Variants in THRB observed in about 807,000 individuals in gnomAD.
THRB encodes thyroid hormone receptor beta, also known as nuclear receptor subfamily 1 group A member 2.
A neutral mutation model predicts 47.8 loss-of-function variants in THRB; 12 were observed. The ratio of observed to expected loss-of-function variants is 0.25; its 90% CI spans 0.16 to 0.41. THRB has a LOEUF of 0.41. Ranked by LOEUF, THRB falls within the 10% of genes least tolerant of loss-of-function variation. The pLI is 1.00. For missense variants in THRB, 348 were observed against 589.2 expected, an observed-to-expected ratio of 0.59 and a Z score of 4.24; for synonymous variants, 218 against 212.2, an observed-to-expected ratio of 1.03 and a Z score of -0.24.
chr3:24,200,730 T>A (rs1441908134), intron 4 of THRB, among the ~76,000 whole-genome samples: 1 of 152,146 alleles, frequency 6.6e-6, no homozygotes, highest in Non-Finnish European at 1.5e-5. Context: ...GGAAGAGACA[T>A]TTCAATCTGG....
rs138976654 is a variant in THRB at position 24,444,219 on chromosome 3, T to C, written c.-261+50433A>G. Among the ~76,000 whole-genome samples, 11 of 151,820 alleles carry C rather than the reference T, an allele frequency of 7.2e-5. No individual in the cohort carries two copies. The East Asian group carries it at 2.1e-3, about 29-fold the overall frequency. ...TAGGACATAATCAACAAAGAAGAGATACATTATTTGGAAAGATGATAGAAT... is the reference window on the plus strand; with the variant it reads ...TAGGACATAATCAACAAAGAAGAGACACATTATTTGGAAAGATGATAGAAT... On this transcript the variant is annotated intron_variant, in intron 1 of 10. Coordinates refer to ENST00000646209, the MANE Select transcript of THRB (RefSeq NM_001354712.2).
chr3:24,197,427 T>G (rs929823489), intron 4 of THRB, among the ~76,000 whole-genome samples: 1 of 152,350 alleles, frequency 6.6e-6, no homozygotes, highest in Admixed American at 6.5e-5. Flanking sequence ...TCTTTGAATC[T>G]CTCTCCTGAA....
At chr3:24,405,444 C>T (rs1417112209) in intron 1 of THRB, among the ~76,000 whole-genome samples, 4 of 151,924 alleles carry the variant, frequency 2.6e-5, no homozygotes, top group African/African-American at 9.7e-5. Context: ...ACTATTTGCC[C>T]TTTACAGAAA....
rs575036452 is a variant in THRB, at chr3:24,314,102, C to T, written c.-188-16731G>A. ...CTGAGATAGGCGTTTTATACACCTG[C>T]TGTCATTTAACTAGCCCAATCACCT... On this transcript the variant is annotated intron_variant, in intron 2 of 10. Transcript: ENST00000646209. 2.6e-5 allele frequency among the ~76,000 whole-genome samples: 4 copies of T among 152,312 alleles called. No individual in the cohort carries two copies. The South Asian group carries it at 8.3e-4, about 32-fold the overall frequency.
intron 4 of THRB, among the ~76,000 whole-genome samples, chr3:24,197,884 T>C (rs9862234): frequency 0.03 from 4,584 of 152,300 alleles, 210 homozygotes; most frequent in African/African-American, 0.1. Flanking sequence ...TTCTTCCTTG[T>C]CCTCAGGCTG....
chr3:24,261,497 C>CAAAA (rs35109952), intron 3 of THRB, among the ~76,000 whole-genome samples: 19 of 88,248 alleles, frequency 2.2e-4, no homozygotes, highest in Non-Finnish European at 2.6e-4. Flanking sequence ...GATTCTGTCT[C>CAAAA]AAAAAAAAAA....
intron 1 of THRB, among the ~76,000 whole-genome samples, chr3:24,443,177 T>C (rs1560198931): frequency 6.6e-6 from 1 of 152,134 alleles, no homozygotes; most frequent in African/African-American, 2.4e-5. Context: ...AGATTCCATC[T>C]CAAACAAACA....
At chr3:24,307,935 T>C (rs2057474187) in intron 2 of THRB, among the ~76,000 whole-genome samples, 1 of 152,144 alleles carries the variant, frequency 6.6e-6, no homozygotes, top group African/African-American at 2.4e-5. Context: ...ACTATGAGTC[T>C]ATATGGGCAA....
chr3:24,354,541 C>A lies in THRB; in HGVS notation c.-260-17170G>T, dbSNP rs375256151. 1.7e-4 allele frequency among the ~76,000 whole-genome samples: 26 copies of A among 152,180 alleles called. No individual in the cohort carries two copies. The East Asian group carries it at 3.7e-3, about 22-fold the overall frequency. On this transcript the variant is annotated intron_variant, in intron 1 of 10. Coordinates refer to ENST00000646209, the MANE Select transcript of THRB (RefSeq NM_001354712.2). ...CTTTTTCAACATCTTAGAGTGTCTG[C>A]CAATCTTAGGCTAAGACATTGGCTA...
chr3:24,373,026 C>T (rs568754509), intron 1 of THRB, among the ~76,000 whole-genome samples: 406 of 152,154 alleles, frequency 2.7e-3, no homozygotes, highest in Non-Finnish European at 3.8e-3. Flanking sequence ...AGAGATCAGC[C>T]TAAGTGGGCA....
chr3:24,285,444 A>C, intron 3 of THRB, among the ~76,000 whole-genome samples: 1 of 70,894 alleles, frequency 1.4e-5, no homozygotes, highest in Non-Finnish European at 2.6e-5. Context: ...GGGTGGGGGG[A>C]GGGGGGAGGG....
intron 5 of THRB, among the ~76,000 whole-genome samples, chr3:24,188,191 C>T (rs1199507038): frequency 6.6e-6 from 1 of 152,192 alleles, no homozygotes; most frequent in Non-Finnish European, 1.5e-5. Context: ...TCTTACCAGG[C>T]TCACAGCATA....
chr3:24,316,444 A>G (rs1221755266), intron 2 of THRB, among the ~76,000 whole-genome samples: 1 of 145,998 alleles, frequency 6.8e-6, no homozygotes, highest in Non-Finnish European at 1.5e-5. Context: ...CATTGTGCTC[A>G]CCCTCTCCCC....
At chr3:24,431,086 A>G (rs1256265607) in intron 1 of THRB, 1 of 152,100 alleles carries the variant, frequency 6.6e-6, no homozygotes, top group East Asian at 1.9e-4. Flanking sequence ...AAAATTCTAC[A>G]GTCAGTGTGG....
chr3:24,173,015 A>T (rs2040631922), intron 5 of THRB, among the ~76,000 whole-genome samples: 1 of 152,210 alleles, frequency 6.6e-6, no homozygotes, highest in Admixed American at 6.5e-5. Context: ...ATTATAAAAG[A>T]GTCCAAAATT....
intron 4 of THRB, among the ~76,000 whole-genome samples, chr3:24,205,650 A>T (rs2045242269): frequency 6.6e-6 from 1 of 152,190 alleles, no homozygotes; most frequent in Admixed American, 6.5e-5. Flanking sequence ...ACACATAACA[A>T]TATTAACCTT....
intron 3 of THRB, among the ~76,000 whole-genome samples, chr3:24,268,072 G>A (rs185546398): frequency 2.0e-5 from 3 of 152,194 alleles, no homozygotes; most frequent in Non-Finnish European, 4.4e-5. Flanking sequence ...CAACCCCAAA[G>A]ACAATGAGAC....
chr3:24,445,755 T>A (rs529080146), intron 1 of THRB, among the ~76,000 whole-genome samples: 7 of 152,254 alleles, frequency 4.6e-5, no homozygotes, highest in African/African-American at 1.4e-4. Flanking sequence ...TCCTAGGAAC[T>A]GTCCAATAGA....
chr3:24,269,844 A>G (rs2053141001), intron 3 of THRB, among the ~76,000 whole-genome samples: 1 of 152,212 alleles, frequency 6.6e-6, no homozygotes, highest in Non-Finnish European at 1.5e-5. Context: ...TATCAGTAAG[A>G]AATTAAGTGT....
Sources: allele counts gnomAD v4.1 joint callset (sites outside exome capture counted in the v4.1 genomes callset), GRCh38; gene constraint gnomAD v4.1.1; transcripts MANE v1.5; gene names NCBI Gene and HGNC (gene_info 2026-07-23, HGNC 2026-07-21).